PTPN9: variants seen among roughly 807,000 people sequenced by gnomAD.
The protein encoded by PTPN9 is tyrosine-protein phosphatase non-receptor type 9.
Under a neutral mutation model 69.8 loss-of-function variants are expected in PTPN9, and 26 were observed. The ratio of observed to expected loss-of-function variants is 0.37; its 90% CI spans 0.27 to 0.52. PTPN9 has a LOEUF of 0.52. Among genes scored for constraint, PTPN9 ranks in the 20% least tolerant of loss-of-function variants. PTPN9 has a pLI of 0.91. For synonymous variants in PTPN9, 274 were observed against 272.5 expected (o/e 1.01, Z -0.05); for missense variants, 549 against 740.3 (o/e 0.74, Z 3.00).
chr15:75,512,680 G>A (rs1449494188), intron 5 of PTPN9: 1 of 170,324 alleles, frequency 5.9e-6, no homozygotes, highest in Non-Finnish European at 1.2e-5. Context: ...CAGTATATGA[G>A]GGTGCTATAC....
chr15:75,545,706 G>C, intron 1 of PTPN9, among the ~76,000 whole-genome samples: 1 of 152,190 alleles, frequency 6.6e-6, no homozygotes, highest in East Asian at 1.9e-4. Context: ...TTGGGAGGCG[G>C]AGGCAGGTGG....
intron 7 of PTPN9, among the ~76,000 whole-genome samples, chr15:75,503,566 G>A (rs867649905): frequency 1.1e-3 from 84 of 79,018 alleles, no homozygotes; most frequent in Admixed American, 2.7e-3. Flanking sequence ...CCCCCCGCCC[G>A]GCCAGCCGCT....
chr15:75,517,206 T>C (rs576689704), intron 5 of PTPN9, 53 bp downstream of exon 5: 19 of 1,306,958 alleles, frequency 1.5e-5, no homozygotes, highest in Non-Finnish European at 1.9e-5. Flanking sequence ...ATTAAAAAAA[T>C]ATATATATCC....
At chr15:75,486,966 T>C (rs1039721921) in intron 8 of PTPN9, among the ~76,000 whole-genome samples, 6 of 151,790 alleles carry the variant, frequency 4.0e-5, no homozygotes, top group African/African-American at 1.5e-4. Flanking sequence ...TTGTATTTTT[T>C]AGTAGAGACG....
chr15:75,572,187 C>A (rs1259502921), intron 1 of PTPN9, among the ~76,000 whole-genome samples: 1 of 151,804 alleles, frequency 6.6e-6, no homozygotes, highest in Non-Finnish European at 1.5e-5. Context: ...CAAAAATAAG[C>A]CAGGCGTGGT....
chr15:75,576,129 G>A (rs1285938015), intron 1 of PTPN9, among the ~76,000 whole-genome samples: 5 of 148,246 alleles, frequency 3.4e-5, no homozygotes, highest in African/African-American at 9.8e-5. Context: ...CTACTTGGGA[G>A]GCTGAGGCAG....
intron 1 of PTPN9, among the ~76,000 whole-genome samples, chr15:75,558,653 C>T (rs980162586): frequency 2.0e-5 from 3 of 152,192 alleles, no homozygotes; most frequent in African/African-American, 4.8e-5. Context: ...CTCAGCCTGC[C>T]GAGTGCCTGC....
At chr15:75,537,082 T>A (rs1160966712) in intron 1 of PTPN9, among the ~76,000 whole-genome samples, 1 of 152,166 alleles carries the variant, frequency 6.6e-6, no homozygotes, top group Admixed American at 6.5e-5. Context: ...CCAGGCATGG[T>A]GGCTCACACC....
intron 2 of PTPN9, among the ~76,000 whole-genome samples, chr15:75,526,521 T>C (rs2074928429): frequency 6.6e-6 from 1 of 152,126 alleles, no homozygotes; most frequent in African/African-American, 2.4e-5. Context: ...TATAGTGTTT[T>C]ATCAAAGACA....
At position 75,480,253 on chromosome 15, in the gene PTPN9, G is replaced by A. The variant is rs921828453; in HGVS notation, c.1063-339C>T. Among the ~76,000 whole-genome samples the A allele has an allele frequency of 2.0e-5, 3 of 152,266 alleles. No individual in the cohort carries two copies. In the South Asian group the frequency reaches 6.2e-4, roughly 32 times the overall value. On this transcript the variant is annotated intron_variant, in intron 8 of 12. Transcript: ENST00000618819. ...CCTTGGGTTAGGCAAAGCTTTCACA[G>A]ATATGATACCAAAGGCGTAAGTGAC...
At chr15:75,558,260 G>T (rs377602446) in intron 1 of PTPN9, among the ~76,000 whole-genome samples, 38 of 152,196 alleles carry the variant, frequency 2.5e-4, no homozygotes, top group African/African-American at 9.1e-4. Flanking sequence ...CCCAGGAGGC[G>T]GAGGCTGCAG....
intron 1 of PTPN9, among the ~76,000 whole-genome samples, chr15:75,547,400 C>G (rs1229632725): frequency 6.6e-6 from 1 of 151,448 alleles, no homozygotes; most frequent in Non-Finnish European, 1.5e-5. Flanking sequence ...AGTTCAAGAC[C>G]ACCCTGGCCA....
intron 5 of PTPN9, among the ~76,000 whole-genome samples, chr15:75,511,869 TA>T (rs2074846694): frequency 2.8e-5 from 3 of 106,560 alleles, no homozygotes; most frequent in South Asian, 2.7e-4. Context: ...CTCACTTTAA[TA>T]TTTTTTTTTT....
At position 75,469,806 on chromosome 15, in the gene PTPN9, C is replaced by G; in HGVS notation, c.1553G>C (p.Gly518Ala). Residue 518 changes from glycine (G) to alanine (A), a missense_variant, in exon 12 of 13, where the codon GGC (glycine) becomes GCC (alanine). Around this residue, in one of 3 missense-constraint regions of PTPN9, gnomAD observed 457 missense variants for 661.9 expected, o/e 0.69. Coordinates refer to ENST00000618819, the MANE Select transcript of PTPN9 (RefSeq NM_002833.4). Reference protein sequence around the residue: ...EPPIVVHCSAGIGRTGTFCSL... With the variant: ...EPPIVVHCSAAIGRTGTFCSL... ...AGGTGCGTTACCTGTCCTGCCAATG[C>G]CTGCACTGCAATGGACCACAATGGG... 1 of 1,612,922 alleles carries G rather than the reference C, an allele frequency of 6.2e-7. No individual in the cohort carries two copies. The highest frequency in any genetic ancestry group is 8.5e-7 in the Non-Finnish European group (1 of 1,180,008).
chr15:75,496,628 C>T (rs565255438), intron 7 of PTPN9, among the ~76,000 whole-genome samples: 1 of 151,842 alleles, frequency 6.6e-6, no homozygotes, highest in Admixed American at 6.6e-5. Flanking sequence ...TCCCAAGTAG[C>T]TGGGATTACA....
At chr15:75,503,892 C>G (rs1472871631) in intron 7 of PTPN9, among the ~76,000 whole-genome samples, 1 of 114,604 alleles carries the variant, frequency 8.7e-6, no homozygotes, top group Non-Finnish European at 1.8e-5. Context: ...GCCGCCCCGT[C>G]CGGGAGGGAG....
At chr15:75,578,293 G>C (rs1287629853) in intron 1 of PTPN9, among the ~76,000 whole-genome samples, 1 of 152,176 alleles carries the variant, frequency 6.6e-6, no homozygotes, top group Admixed American at 6.5e-5. Context: ...AATCCCCACA[G>C]GAAGCACCCC....
chr15:75,529,995 A>T lies in PTPN9; in HGVS notation c.64-2734T>A, dbSNP rs1421516737. Among the ~76,000 whole-genome samples, 5 of 151,632 alleles carry T rather than the reference A, an allele frequency of 3.3e-5. No individual in the cohort carries two copies. The East Asian group carries it at 7.8e-4, about 24-fold the overall frequency. On this transcript the variant is annotated intron_variant, in intron 1 of 12. Transcript: ENST00000618819. ...GCCGAGGGCAGATCACGAGGTCAGGAGCTCGAGACCAGCCTGGCCAATATG... is the reference window on the plus strand; with the variant it reads ...GCCGAGGGCAGATCACGAGGTCAGGTGCTCGAGACCAGCCTGGCCAATATG...
chr15:75,523,226 C>G lies in PTPN9; in HGVS notation c.317G>C (p.Gly106Ala), dbSNP rs2074912850. 6.2e-7 allele frequency: 1 copy of G among 1,613,818 alleles called. No homozygotes were observed. The highest frequency in any genetic ancestry group is 1.1e-5 in the South Asian group (1 of 91,058). ...FTILNVRDPT[G>A]ASIALFTARL... ...GGCAGTAAAGAGGGCAATGGAGGCT[C>G]CTGTTGGGTCCCGAACATTCTAAAG... The change falls in exon 4 of 13, where the codon GGA becomes GCA. Residue 106 changes from glycine (G) to alanine (A), a missense_variant. This residue lies in a region of PTPN9 where 457 missense variants were observed against 661.9 expected (regional missense o/e 0.69). Coordinates refer to ENST00000618819, the MANE Select transcript of PTPN9 (RefSeq NM_002833.4).
Sources: gnomAD v4.1 joint callset for allele counts (sites outside exome capture counted in the v4.1 genomes callset) on GRCh38, gnomAD v4.1.1 for gene constraint, gnomAD v4.1.1 regional missense constraint, MANE v1.5 for transcripts, NCBI Gene and HGNC (gene_info 2026-07-23, HGNC 2026-07-21) for gene names.